Variants in TCERG1L observed in about 807,000 individuals in gnomAD.
TCERG1L encodes transcription elongation regulator 1-like protein.
Under a neutral mutation model 56.3 loss-of-function variants are expected in TCERG1L, and 37 were observed. That is an observed-to-expected ratio of 0.66 (90% CI 0.51 to 0.87). The LOEUF (loss-of-function observed/expected upper bound fraction) is 0.87, where lower values mean the gene tolerates loss of function less well. Among genes scored for constraint, TCERG1L ranks in the 40% least tolerant of loss-of-function variants. TCERG1L has a pLI of 0.00. For synonymous variants in TCERG1L, 324 were observed against 326.3 expected (o/e 0.99, Z 0.08); for missense variants, 799 against 774.2 (o/e 1.03, Z -0.38).
chr10:131,134,369 G>A lies in TCERG1L; in HGVS notation c.1259+10C>T, dbSNP rs201736302. The A allele has an allele frequency of 9.5e-6, 15 of 1,579,614 alleles. No homozygotes were observed. The highest frequency in any genetic ancestry group is 5.4e-5 in the Admixed American group (3 of 55,166). On this transcript the variant is annotated intron_variant, in intron 8 of 11. Transcript: ENST00000368642. ...GGAAAGATCTGCTGGGGAAGAGCAC[G>A]GCCACCTACCGGTTCCTCTTGGTTT...
At chr10:131,242,179 C>T (rs963192314) in intron 4 of TCERG1L, among the ~76,000 whole-genome samples, 3 of 152,132 alleles carry the variant, frequency 2.0e-5, no homozygotes, top group African/African-American at 7.2e-5. Flanking sequence ...ATTCGGGGAA[C>T]GTGGCTCCCA....
intron 11 of TCERG1L, among the ~76,000 whole-genome samples, chr10:131,097,743 G>T (rs1462690373): frequency 6.6e-6 from 1 of 152,184 alleles, no homozygotes; most frequent in Non-Finnish European, 1.5e-5. Flanking sequence ...CTATTTTCTT[G>T]TAAGTGTGTC....
intron 4 of TCERG1L, among the ~76,000 whole-genome samples, chr10:131,188,607 G>T (rs1194962129): frequency 1.3e-5 from 2 of 152,158 alleles, no homozygotes; most frequent in South Asian, 4.1e-4. Flanking sequence ...CAATTATTAT[G>T]GAAAATTTAA....
At chr10:131,161,095 G>C (rs1336429866) in intron 6 of TCERG1L, 3 of 152,224 alleles carry the variant, frequency 2.0e-5, no homozygotes, top group African/African-American at 7.2e-5. Flanking sequence ...ATGTGCCGCA[G>C]AGTGACATTT....
chr10:131,094,291 G>GC (rs1270579176), intron 11 of TCERG1L, among the ~76,000 whole-genome samples: 1 of 152,238 alleles, frequency 6.6e-6, no homozygotes, highest in Non-Finnish European at 1.5e-5. Flanking sequence ...TGGGCAGTGT[G>GC]CTCTGGGGTG....
intron 3 of TCERG1L, among the ~76,000 whole-genome samples, chr10:131,283,423 T>C (rs1179734328): frequency 6.6e-6 from 1 of 152,194 alleles, no homozygotes; most frequent in African/African-American, 2.4e-5. Context: ...GCTTCCTTAG[T>C]GAAAAGCATA....
chr10:131,143,086 C>T (rs1408296988), intron 7 of TCERG1L, among the ~76,000 whole-genome samples: 1 of 152,186 alleles, frequency 6.6e-6, no homozygotes, highest in Non-Finnish European at 1.5e-5. Context: ...CCAGTGAGGC[C>T]TCTGCTCGAC....
chr10:131,208,090 G>A (rs1480340400), intron 4 of TCERG1L, among the ~76,000 whole-genome samples: 2 of 152,058 alleles, frequency 1.3e-5, no homozygotes, highest in Non-Finnish European at 2.9e-5. Flanking sequence ...TCCCACATGA[G>A]GACCCCAAGG....
At chr10:131,246,014 G>A (rs1316229196) in intron 4 of TCERG1L, among the ~76,000 whole-genome samples, 1 of 152,194 alleles carries the variant, frequency 6.6e-6, no homozygotes, top group Non-Finnish European at 1.5e-5. Context: ...CCAAGTGTCG[G>A]GTCTTCTGGA....
At chr10:131,131,760 G>T (rs1589723860) in intron 8 of TCERG1L, among the ~76,000 whole-genome samples, 1 of 152,214 alleles carries the variant, frequency 6.6e-6, no homozygotes, top group African/African-American at 2.4e-5. Flanking sequence ...TTATTTGCTT[G>T]TTTCTTAAAC....
In TCERG1L at chr10:131,257,049, G is replaced by GAAAAGA. The variant is rs547781119; in HGVS notation, c.856+3209_856+3210insTCTTTT. On this transcript the variant is annotated intron_variant, in intron 4 of 11. Transcript: ENST00000368642. ...AGAAAGAAAGAAAGAAAGAAAGAAA[G>GAAAAGA]AAAGAAAAGAAAGAAAGAAAAAAAA... Among the ~76,000 whole-genome samples, 273 of 140,288 alleles carry GAAAAGA rather than the reference G, an allele frequency of 1.9e-3. 1 individual carries two copies. Among genetic ancestry groups the GAAAAGA allele is most frequent in the African/African-American group, 7.0e-3 (261 of 37,500 alleles). 92.0% of individuals were successfully genotyped at this position (140,288 alleles called of 152,430 possible). A position where few individuals can be genotyped will look rare whatever the true frequency, so the allele number is the denominator to read the frequency against.
At chr10:131,233,198 A>G (rs753061648) in intron 4 of TCERG1L, among the ~76,000 whole-genome samples, 7 of 152,244 alleles carry the variant, frequency 4.6e-5, no homozygotes, top group Non-Finnish European at 7.3e-5. Context: ...CAGATCATAC[A>G]TCGCGAGAGA....
At chr10:131,272,591 C>T (rs959285993) in intron 3 of TCERG1L, among the ~76,000 whole-genome samples, 3 of 152,170 alleles carry the variant, frequency 2.0e-5, no homozygotes, top group African/African-American at 7.2e-5. Flanking sequence ...GCCTGGGGAC[C>T]CCAGTGCTCA....
At chr10:131,194,330 T>G (rs935143262) in intron 4 of TCERG1L, among the ~76,000 whole-genome samples, 2 of 152,212 alleles carry the variant, frequency 1.3e-5, no homozygotes, top group Non-Finnish European at 2.9e-5. Flanking sequence ...CACCATTGCC[T>G]TCAGCACCTT....
At chr10:131,182,284 G>A (rs533577813) in intron 4 of TCERG1L, among the ~76,000 whole-genome samples, 3 of 152,214 alleles carry the variant, frequency 2.0e-5, no homozygotes, top group Non-Finnish European at 4.4e-5. Context: ...CTGGGTGAAA[G>A]GGAGGAAAAA....
chr10:131,311,213 G>A lies in TCERG1L; in HGVS notation c.342+81C>T. 9.0e-7 allele frequency: 1 copy of A among 1,111,990 alleles called. No individual in the cohort carries two copies. Among genetic ancestry groups the A allele is most frequent in the Non-Finnish European group, 1.1e-6 (1 of 892,824 alleles). 68.9% of individuals were successfully genotyped at this position (1,111,990 alleles called of 1,614,324 possible). A position where few individuals can be genotyped will look rare whatever the true frequency, so the allele number is the denominator to read the frequency against. On this transcript the variant is annotated intron_variant, in intron 1 of 11. Coordinates refer to ENST00000368642, the MANE Select transcript of TCERG1L (RefSeq NM_174937.4). This position sits in a 1 kb window ranked among gnomAD's most constrained non-coding sequence, Gnocchi z 4.0. ...CGGGGAGGAGGGCGCGCGAGCCGGA[G>A]GCCAGAGCCGGGCCGGGCAGGGCGC...
At chr10:131,171,171 ACACACACC>A (rs1348238024) in intron 4 of TCERG1L, among the ~76,000 whole-genome samples, 1 of 52,202 alleles carries the variant, frequency 1.9e-5, no homozygotes, top group Non-Finnish European at 4.1e-5. Flanking sequence ...AAAAACAAAA[ACACACACC>A]AAAAAAAAGA....
intron 11 of TCERG1L, chr10:131,095,893 A>G (rs1331386403): frequency 1.2e-4 from 19 of 152,176 alleles, no homozygotes; most frequent in Non-Finnish European, 2.8e-4. Flanking sequence ...AAATGGCTCA[A>G]TGCATTCCGA....
At chr10:131,157,313 T>A (rs1355430004) in intron 6 of TCERG1L, among the ~76,000 whole-genome samples, 1 of 152,206 alleles carries the variant, frequency 6.6e-6, no homozygotes, top group African/African-American at 2.4e-5. Flanking sequence ...TAGAAAATAA[T>A]ATGTTAAAAC....
Sources: gnomAD v4.1 joint callset for allele counts (sites outside exome capture counted in the v4.1 genomes callset) on GRCh38, gnomAD v4.1.1 for gene constraint, Gnocchi (gnomAD v3.1) non-coding constraint, MANE v1.5 for transcripts, NCBI Gene and HGNC (gene_info 2026-07-23, HGNC 2026-07-21) for gene names.